Variants in LCLAT1 observed in about 807,000 individuals in gnomAD.
LCLAT1 encodes 1-AGP acyltransferase 8.
LCLAT1 carries 11 observed loss-of-function variants against 30.7 expected under a neutral mutation model. The ratio of observed to expected loss-of-function variants is 0.36; its 90% CI spans 0.23 to 0.59. LCLAT1 has a LOEUF of 0.59. LCLAT1 is among the 20% of genes least tolerant of loss of function. The probability of loss-of-function intolerance (pLI) is 0.77; values close to 1 mark genes in which losing one functional copy is unlikely to be tolerated. For synonymous variants in LCLAT1, 155 were observed against 151.3 expected, an observed-to-expected ratio of 1.02 and a Z score of -0.18; for missense variants, 402 against 458.6, an observed-to-expected ratio of 0.88 and a Z score of 1.13.
At chr2:30,596,652 T>A (rs181923198) in intron 5 of LCLAT1, among the ~76,000 whole-genome samples, 1 of 151,662 alleles carries the variant, frequency 6.6e-6, no homozygotes, top group Non-Finnish European at 1.5e-5. Context: ...TTTAATCAGA[T>A]CCCATTTGTC....
rs532720589 is a variant in LCLAT1, at chr2:30,577,950, C to A, written c.628+9774C>A. ...ATTCCTTATTATTTACTATATATAA[C>A]ATTTTTAAATAATCTACATACACTA... is the stretch of plus-strand genomic sequence containing the variant. On this transcript the variant is annotated intron_variant, in intron 5 of 5. Coordinates refer to ENST00000379509, the MANE Select transcript of LCLAT1 (RefSeq NM_001002257.3). Among the ~76,000 whole-genome samples the A allele has an allele frequency of 1.2e-4, 18 of 152,194 alleles. 2 individuals are homozygous for A. In the South Asian group the frequency reaches 3.7e-3, roughly 32 times the overall value.
rs114495932 is a variant in LCLAT1 at position 30,614,650 on chromosome 2, T to C, written c.629-25467T>C. ...TTAAGTTTGAGCTACTTATTAGATA[T>C]CCATAGGGAGTTATGAAATTAGTAA... is the stretch of plus-strand genomic sequence containing the variant. On this transcript the variant is annotated intron_variant, in intron 5 of 5. Coordinates refer to ENST00000379509, the MANE Select transcript of LCLAT1 (RefSeq NM_001002257.3). Among the ~76,000 whole-genome samples the C allele has an allele frequency of 6.6e-3, 1,008 of 152,236 alleles. 11 individuals are homozygous for C. Among genetic ancestry groups the C allele is most frequent in the African/African-American group, 0.023 (957 of 41,534 alleles).
chr2:30,475,361 A>T (rs1682996082), intron 1 of LCLAT1, among the ~76,000 whole-genome samples: 1 of 152,150 alleles, frequency 6.6e-6, no homozygotes, highest in African/African-American at 2.4e-5. Context: ...GCTGGTGGTG[A>T]CTTGGAGGCT....
chr2:30,636,776 C>A (rs1669049741), intron 5 of LCLAT1, among the ~76,000 whole-genome samples: 1 of 152,204 alleles, frequency 6.6e-6, no homozygotes, highest in Non-Finnish European at 1.5e-5. Flanking sequence ...TGTAAAAACA[C>A]ATGACTGTAT....
intron 1 of LCLAT1, among the ~76,000 whole-genome samples, chr2:30,462,275 A>G (rs1009031918): frequency 6.6e-6 from 1 of 152,218 alleles, no homozygotes; most frequent in African/African-American, 2.4e-5. Context: ...CTCAGTTTGT[A>G]TCTCCAGTAA....
chr2:30,563,938 CT>C (rs1000243098), intron 4 of LCLAT1, among the ~76,000 whole-genome samples: 3 of 152,144 alleles, frequency 2.0e-5, no homozygotes, highest in African/African-American at 4.8e-5. Context: ...AACGGTGGCA[CT>C]TTTTTTATAC....
chr2:30,630,817 G>C (rs2148527671), intron 5 of LCLAT1, among the ~76,000 whole-genome samples: 1 of 152,314 alleles, frequency 6.6e-6, no homozygotes, highest in Non-Finnish European at 1.5e-5. Context: ...TTGAAATAAA[G>C]TATGAATCTT....
intron 1 of LCLAT1, among the ~76,000 whole-genome samples, chr2:30,466,229 T>TTTTTCTTTTCTTTTGTTTTCTTTTC (rs1682418841): frequency 6.7e-6 from 1 of 149,606 alleles, no homozygotes; most frequent in East Asian, 2.0e-4. Flanking sequence ...GTGTTTTCTT[T>TTTTTCTTTTCTTTTGTTTTCTTTTC]TTTTCTTTTC....
intron 5 of LCLAT1, among the ~76,000 whole-genome samples, chr2:30,596,636 CTTTAG>C (rs1481003720): frequency 7.9e-5 from 12 of 151,558 alleles, no homozygotes; most frequent in African/African-American, 2.9e-4. Flanking sequence ...TGCTGAAGCC[CTTTAG>C]TTTAATCAGA....
At chr2:30,476,453 G>T (rs760809069) in intron 1 of LCLAT1, 1 of 456,430 alleles carries the variant, frequency 2.2e-6, no homozygotes, top group Non-Finnish European at 4.4e-6. Flanking sequence ...GCTCAGATCC[G>T]CCACTGCATT....
At chr2:30,496,716 A>G (rs939628681) in intron 1 of LCLAT1, among the ~76,000 whole-genome samples, 2 of 152,300 alleles carry the variant, frequency 1.3e-5, no homozygotes, top group South Asian at 2.1e-4. Flanking sequence ...TAAAGATATT[A>G]TGGTCCTATT....
At chr2:30,473,007 A>C (rs1682872449) in intron 1 of LCLAT1, among the ~76,000 whole-genome samples, 1 of 152,184 alleles carries the variant, frequency 6.6e-6, no homozygotes, top group Non-Finnish European at 1.5e-5. Context: ...AGTTGAAAAA[A>C]AAATGATTTG....
At chr2:30,556,143 C>T (rs1664908762) in intron 3 of LCLAT1, among the ~76,000 whole-genome samples, 1 of 151,946 alleles carries the variant, frequency 6.6e-6, no homozygotes, top group Non-Finnish European at 1.5e-5. Flanking sequence ...AGGCTGTGGT[C>T]CATACTATCT....
At chr2:30,580,453 G>A (rs879465155) in intron 5 of LCLAT1, among the ~76,000 whole-genome samples, 3 of 152,086 alleles carry the variant, frequency 2.0e-5, no homozygotes, top group Non-Finnish European at 2.9e-5. Context: ...CTTAGAGAGG[G>A]AATAGTTTCA....
chr2:30,520,029 A>G (rs968514877), intron 1 of LCLAT1, among the ~76,000 whole-genome samples: 2 of 152,138 alleles, frequency 1.3e-5, no homozygotes, highest in East Asian at 1.9e-4. Flanking sequence ...CTGTGCGGCT[A>G]AGTGCGCGGG....
chr2:30,558,235 A>C, intron 3 of LCLAT1, among the ~76,000 whole-genome samples: 1 of 149,942 alleles, frequency 6.7e-6, no homozygotes, highest in East Asian at 1.9e-4. Flanking sequence ...AAATCAATTA[A>C]AAAAATACAC....
chr2:30,493,683 T>C (rs1471176644), intron 1 of LCLAT1, among the ~76,000 whole-genome samples: 2 of 152,182 alleles, frequency 1.3e-5, no homozygotes, highest in Non-Finnish European at 2.9e-5. Flanking sequence ...CCACATTCTC[T>C]CCCTAACCCC....
At chr2:30,483,493 A>G (rs1411101620) in intron 1 of LCLAT1, among the ~76,000 whole-genome samples, 1 of 152,168 alleles carries the variant, frequency 6.6e-6, no homozygotes, top group Non-Finnish European at 1.5e-5. Context: ...TAAAGTGAGG[A>G]TATAATGTGT....
intron 5 of LCLAT1, among the ~76,000 whole-genome samples, chr2:30,598,893 A>C (rs949047914): frequency 1.3e-5 from 2 of 151,540 alleles, no homozygotes; most frequent in African/African-American, 4.8e-5. Flanking sequence ...TTCTGCCTTA[A>C]TTTCATTATT....
Sources: gnomAD v4.1 joint callset for allele counts (sites outside exome capture counted in the v4.1 genomes callset) on GRCh38, gnomAD v4.1.1 for gene constraint, MANE v1.5 for transcripts, NCBI Gene and HGNC (gene_info 2026-07-23, HGNC 2026-07-21) for gene names.